NLRP11: variants seen among roughly 807,000 people sequenced by gnomAD.
NLRP11 encodes NACHT, LRR and PYD domains-containing protein 11.
NLRP11 carries 53 observed loss-of-function variants against 79.3 expected under a neutral mutation model. That is an observed-to-expected ratio of 0.67 (90% confidence interval 0.54 to 0.84). NLRP11 has a LOEUF of 0.84. Among genes scored for constraint, NLRP11 ranks in the 40% least tolerant of loss-of-function variants. The pLI is 0.00. For missense variants in NLRP11, 1,264 were observed against 1,255.0 expected (o/e 1.01, Z -0.11); for synonymous variants, 518 against 462.6 (o/e 1.12, Z -1.54).
In NLRP11 at chr19:55,816,062, G is replaced by A. The variant is rs115807803; in HGVS notation, c.271+1842C>T. Among the ~76,000 whole-genome samples, 1,230 of 152,286 alleles carry A rather than the reference G, an allele frequency of 8.1e-3. 27 individuals carry two copies. The highest frequency in any genetic ancestry group is 0.027 in the African/African-American group (1,132 of 41,544). ...CTATACTATTTAATTGGGAAGATAC[G>A]AGTTTAACCAAGTAAATATTGTATA... On this transcript the variant is annotated intron_variant, in intron 2 of 9. Transcript: ENST00000589093.
intron 9 of NLRP11, among the ~76,000 whole-genome samples, chr19:55,786,426 G>A (rs1394613784): frequency 6.6e-6 from 1 of 152,104 alleles, no homozygotes; most frequent in African/African-American, 2.4e-5. Flanking sequence ...TTGGGAGGCT[G>A]AGGTGGATTA....
chr19:55,807,734 T>G (rs1980132018), intron 4 of NLRP11, 119 bp downstream of exon 4: 2 of 639,998 alleles, frequency 3.1e-6, no homozygotes, highest in Admixed American at 4.8e-5. Flanking sequence ...AGAAGGAGCC[T>G]AGGCCCTGAT....
chr19:55,810,081 G>A lies in NLRP11; in HGVS notation c.529C>T (p.Gln177Ter). The A allele has an allele frequency of 6.2e-7, 1 of 1,614,104 alleles. No homozygotes were observed. The highest frequency in any genetic ancestry group is 8.5e-7 in the Non-Finnish European group (1 of 1,179,984). The stretch of plus-strand genomic sequence containing the variant: ...TGAACGACGTACGAGATCATGTTCT[G>A]CCACATCTCACCCTTGATCCACCTC... Residue 177 changes from glutamine (Q) to a stop codon, truncating the protein, a stop_gained, in exon 3 of 10, where the codon CAG (glutamine) becomes TAG (stop). Transcript: ENST00000589093. LOFTEE classifies it high-confidence loss of function.
At chr19:55,832,946 G>A (rs1303192709), upstream of NLRP11, 6 of 152,084 alleles carry the variant, frequency 3.9e-5, no homozygotes, top group Non-Finnish European at 7.3e-5. Flanking sequence ...TATCATATTG[G>A]AGATAATTTG....
intron 2 of NLRP11, among the ~76,000 whole-genome samples, chr19:55,813,888 C>A (rs1980839303): frequency 6.6e-6 from 1 of 152,152 alleles, no homozygotes. Flanking sequence ...CTTGGGTTCA[C>A]TTCCCCCTCA....
chr19:55,817,693 G>T (rs1045178203), intron 2 of NLRP11, among the ~76,000 whole-genome samples: 1 of 151,928 alleles, frequency 6.6e-6, no homozygotes, highest in East Asian at 1.9e-4. Context: ...GGAGGTGAGG[G>T]ATAAACGACT....
At chr19:55,801,811 C>T (rs1183709447) in intron 4 of NLRP11, 72 bp from the exon 5 acceptor site, 2 of 1,259,320 alleles carry the variant, frequency 1.6e-6, no homozygotes, top group Non-Finnish European at 2.3e-6. Context: ...CTCCTGCCTG[C>T]CTCACTTCAT....
intron 1 of NLRP11, among the ~76,000 whole-genome samples, chr19:55,830,491 A>G (rs913311601): frequency 6.6e-6 from 1 of 151,806 alleles, no homozygotes; most frequent in African/African-American, 2.4e-5. Context: ...GAAATATTTA[A>G]TCATGACCCT....
intron 2 of NLRP11, among the ~76,000 whole-genome samples, chr19:55,813,904 A>T (rs1394128549): frequency 6.6e-6 from 1 of 152,014 alleles, no homozygotes; most frequent in African/African-American, 2.4e-5. Flanking sequence ...CCTCATTGAA[A>T]CCCTCAGTAG....
intron 1 of NLRP11, among the ~76,000 whole-genome samples, chr19:55,827,742 T>A (rs376726345): frequency 6.6e-6 from 1 of 151,448 alleles, no homozygotes; most frequent in Non-Finnish European, 1.5e-5. Flanking sequence ...GTTAGAATGG[T>A]GATCATTAAA....
chr19:55,788,820 G>A (rs754899228), exon 9 of NLRP11: 2 of 1,538,250 alleles, frequency 1.3e-6, no homozygotes, highest in Non-Finnish European at 1.8e-6. Flanking sequence ...ACTACCTTAA[G>A]TACACAATCT....
chr19:55,812,811 G>T (rs1980733729), intron 2 of NLRP11, among the ~76,000 whole-genome samples: 1 of 152,052 alleles, frequency 6.6e-6, no homozygotes, highest in African/African-American at 2.4e-5. Context: ...AAAACCTTAA[G>T]TTTATTCTTC....
chr19:55,824,599 G>A (rs1424841472), intron 1 of NLRP11, among the ~76,000 whole-genome samples: 1 of 116,778 alleles, frequency 8.6e-6, no homozygotes, highest in Non-Finnish European at 1.6e-5. Context: ...ACAAAAAAAG[G>A]AAGGGGTTGC....
intron 5 of NLRP11, 99 bp downstream of exon 5, chr19:55,801,473 A>G: frequency 1.2e-6 from 1 of 848,160 alleles, no homozygotes; most frequent in Non-Finnish European, 1.9e-6. Flanking sequence ...TGACATCAAA[A>G]GGTAGGAGCA....
upstream of NLRP11, chr19:55,832,207 C>A (rs1982863526): frequency 6.6e-6 from 1 of 152,182 alleles, no homozygotes; most frequent in Admixed American, 6.5e-5. Context: ...ACGGTCCACA[C>A]CCCGTTTATG....
intron 1 of NLRP11, among the ~76,000 whole-genome samples, chr19:55,827,858 C>G (rs1032965714): frequency 2.0e-5 from 3 of 150,888 alleles, no homozygotes; most frequent in Non-Finnish European, 2.9e-5. Context: ...GTCAGTGTGG[C>G]GATTCCTCAG....
At position 55,809,926 on chromosome 19, in the gene NLRP11, G is replaced by C. The variant is rs767170989; in HGVS notation, c.684C>G (p.Leu228=). 6.2e-7 allele frequency: 1 copy of C among 1,614,040 alleles called. No individual in the cohort carries two copies. The highest frequency in any genetic ancestry group is 1.1e-5 in the South Asian group (1 of 91,076). The change falls in exon 3 of 10, where the codon CTC becomes CTG. Residue 228 remains leucine, a synonymous_variant. Transcript: ENST00000589093. This position sits in a 1 kb window ranked among gnomAD's most constrained non-coding sequence, Gnocchi z 4.5. ...CGAATCTTATGTTGTCCAAGTCCTCGAGGATGAAAAGGAGTTTCTTGGGAT... is the reference window on the plus strand; with the variant it reads ...CGAATCTTATGTTGTCCAAGTCCTCCAGGATGAAAAGGAGTTTCTTGGGAT...
intron 8 of NLRP11, 93 bp downstream of exon 8, chr19:55,789,136 C>A: frequency 7.1e-7 from 1 of 1,415,508 alleles, no homozygotes; most frequent in South Asian, 1.3e-5. Flanking sequence ...ACTATTATGT[C>A]CGAGGTATTG....
At chr19:55,818,318 T>C (rs575418566) in intron 1 of NLRP11, 82 bp from the exon 2 acceptor site, 1 of 663,726 alleles carries the variant, frequency 1.5e-6, no homozygotes, top group African/African-American at 1.8e-5. Context: ...ACAATTCCTG[T>C]GGTGTGATAG....
Sources: gnomAD v4.1 joint callset for allele counts (sites outside exome capture counted in the v4.1 genomes callset) on GRCh38, gnomAD v4.1.1 for gene constraint, Gnocchi (gnomAD v3.1) non-coding constraint, MANE v1.5 for transcripts, NCBI Gene and HGNC (gene_info 2026-07-23, HGNC 2026-07-21) for gene names.